The following SPAG16 variants were observed in gnomAD, a reference collection of about 807,000 sequenced individuals.
The protein encoded by SPAG16 is sperm associated antigen 16, also known as sperm-associated antigen 16 protein.
SPAG16 carries 86 observed loss-of-function variants against 80.4 expected under a neutral mutation model. That is an observed-to-expected ratio of 1.07 (90% CI 0.90 to 1.28). The LOEUF (loss-of-function observed/expected upper bound fraction) is 1.28, where lower values mean the gene tolerates loss of function less well. SPAG16 is among the 50% of genes most tolerant of loss of function. The pLI, the probability that SPAG16 is intolerant of heterozygous loss-of-function variation, is 0.00. For synonymous variants in SPAG16, 294 were observed against 265.9 expected, an observed-to-expected ratio of 1.11 and a Z score of -1.03; for missense variants, 870 against 765.3, an observed-to-expected ratio of 1.14 and a Z score of -1.61.
intron 15 of SPAG16, among the ~76,000 whole-genome samples, chr2:214,318,352 A>G (rs1475559397): frequency 2.0e-5 from 3 of 150,636 alleles, no homozygotes; most frequent in African/African-American, 7.3e-5. Flanking sequence ...ATGTACTTGA[A>G]TAAAAGAGTG....
Position 213,364,105 on chromosome 2 carries a change from A to G in SPAG16, c.792A>G (p.Lys264=), listed in dbSNP as rs2066145271. The change falls in exon 8 of 16, where the codon AAA becomes AAG. Residue 264 remains lysine, a synonymous_variant. Transcript: ENST00000331683. ...CTGGACTTCAAGAAACATTGAAGAA[A>G]CTGCAAAGAGGACATAGTTACCATG... is the stretch of plus-strand genomic sequence containing the variant. ...QISGLQETLK[K]LQRGHSYHGP... The G allele has an allele frequency of 2.6e-6, 4 of 1,526,490 alleles. No homozygotes were observed. Among genetic ancestry groups the G allele is most frequent in the Non-Finnish European group, 3.5e-6 (4 of 1,140,566 alleles). The allele number at this position is 1,526,490 out of a possible 1,614,324, so 94.6% of individuals were successfully genotyped here.
chr2:213,447,117 A>G (rs2071365736), intron 9 of SPAG16, among the ~76,000 whole-genome samples: 1 of 152,198 alleles, frequency 6.6e-6, no homozygotes, highest in African/African-American at 2.4e-5. Context: ...CATATGGTTT[A>G]GTAATAGACT....
intron 9 of SPAG16, among the ~76,000 whole-genome samples, chr2:213,378,352 C>T (rs1258489819): frequency 6.6e-6 from 1 of 152,176 alleles, no homozygotes; most frequent in African/African-American, 2.4e-5. Context: ...GCCTTGTCAA[C>T]TTGAACCCAT....
intron 9 of SPAG16, among the ~76,000 whole-genome samples, chr2:213,397,077 T>C (rs181004429): frequency 7.4e-4 from 113 of 152,350 alleles, no homozygotes; most frequent in Admixed American, 2.0e-3. Flanking sequence ...CCTGCATCCA[T>C]TGAGGTTCTG....
intron 10 of SPAG16, among the ~76,000 whole-genome samples, chr2:213,726,274 A>T (rs113856209): frequency 0.026 from 4,002 of 152,272 alleles, 170 homozygotes; most frequent in African/African-American, 0.09. Context: ...TCTCTCAGGG[A>T]TGTGTCCTGC....
Position 213,526,272 on chromosome 2 carries a change from T to G in SPAG16, c.1070+36182T>G, listed in dbSNP as rs531757316. 7.2e-4 allele frequency among the ~76,000 whole-genome samples: 110 copies of G among 152,324 alleles called. 1 individual carries two copies. The highest frequency in any genetic ancestry group is 2.6e-3 in the African/African-American group (106 of 41,564). ...TCATATAATACTCAATATTTAGTAT[T>G]TACACAATATGACTATGGAAGTACT... On this transcript the variant is annotated intron_variant, in intron 10 of 15. Transcript: ENST00000331683.
At chr2:214,165,578 C>A (rs1311186268) in intron 15 of SPAG16, among the ~76,000 whole-genome samples, 1 of 135,716 alleles carries the variant, frequency 7.4e-6, no homozygotes, top group Non-Finnish European at 1.5e-5. Context: ...TACCTCCATT[C>A]TTCCTCTGCC....
At chr2:213,338,735 C>G in intron 5 of SPAG16, among the ~76,000 whole-genome samples, 1 of 152,106 alleles carries the variant, frequency 6.6e-6, no homozygotes, top group African/African-American at 2.4e-5. Flanking sequence ...AGTTGGAAGC[C>G]ATTATCCTCA....
rs965365705 is a variant in SPAG16, at chr2:214,159,039, C to T, written c.1720+9773C>T. Among the ~76,000 whole-genome samples, 11 of 151,924 alleles carry T rather than the reference C, an allele frequency of 7.2e-5. No individual in the cohort carries two copies. In the South Asian group the frequency reaches 1.2e-3, roughly 17 times the overall value. On this transcript the variant is annotated intron_variant, in intron 15 of 15. Transcript: ENST00000331683. ...TGTGGCAAGTATGAGAAATTAGTTGCGTAACTATACACATCTTAGTATCAT... is the reference window on the plus strand; with the variant it reads ...TGTGGCAAGTATGAGAAATTAGTTGTGTAACTATACACATCTTAGTATCAT...
At chr2:213,841,333 T>C (rs2125755511) in intron 10 of SPAG16, among the ~76,000 whole-genome samples, 1 of 152,334 alleles carries the variant, frequency 6.6e-6, no homozygotes, top group South Asian at 2.1e-4. Context: ...AGTTTGTACA[T>C]GGTAGTGCCA....
At chr2:214,039,648 T>C (rs954381387) in intron 13 of SPAG16, among the ~76,000 whole-genome samples, 1 of 152,216 alleles carries the variant, frequency 6.6e-6, no homozygotes, top group Admixed American at 6.5e-5. Flanking sequence ...AAAACTGTTT[T>C]TCCATAGCAT....
intron 14 of SPAG16, among the ~76,000 whole-genome samples, chr2:214,147,589 A>G (rs2055722618): frequency 6.6e-6 from 1 of 152,198 alleles, no homozygotes; most frequent in African/African-American, 2.4e-5. Context: ...AATTTCTAAC[A>G]TTAATATTCC....
chr2:213,344,245 G>A (rs190672763), intron 6 of SPAG16, among the ~76,000 whole-genome samples: 17 of 152,214 alleles, frequency 1.1e-4, no homozygotes, highest in Admixed American at 1.1e-3. Flanking sequence ...GTATATAATT[G>A]CTATGGTGTT....
At chr2:213,354,334 C>A (rs1488832131) in intron 7 of SPAG16, among the ~76,000 whole-genome samples, 1 of 152,110 alleles carries the variant, frequency 6.6e-6, no homozygotes, top group Non-Finnish European at 1.5e-5. Context: ...GTGAACGGTG[C>A]CGCAATAAAC....
chr2:213,305,178 C>G (rs1402774439), intron 3 of SPAG16, among the ~76,000 whole-genome samples: 1 of 152,158 alleles, frequency 6.6e-6, no homozygotes, highest in African/African-American at 2.4e-5. Flanking sequence ...AGATTGTTAA[C>G]TGTCAGCATA....
chr2:213,698,546 G>C (rs994135757), intron 10 of SPAG16, among the ~76,000 whole-genome samples: 4 of 152,310 alleles, frequency 2.6e-5, no homozygotes, highest in African/African-American at 9.6e-5. Flanking sequence ...ATAGGCGTGA[G>C]CCATTGTGCC....
At chr2:214,310,672 A>T (rs570813274) in intron 15 of SPAG16, among the ~76,000 whole-genome samples, 10 of 152,254 alleles carry the variant, frequency 6.6e-5, no homozygotes, top group African/African-American at 2.4e-4. Flanking sequence ...CCATCCTGGG[A>T]AGTCAGGAAT....
chr2:213,719,639 A>G (rs537186268), intron 10 of SPAG16, among the ~76,000 whole-genome samples: 34 of 152,290 alleles, frequency 2.2e-4, no homozygotes, highest in Non-Finnish European at 3.7e-4. Flanking sequence ...TGGACACAAT[A>G]CCATCTCATG....
chr2:214,329,181 C>T (rs1381481730), intron 15 of SPAG16, among the ~76,000 whole-genome samples: 1 of 152,192 alleles, frequency 6.6e-6, no homozygotes, highest in African/African-American at 2.4e-5. Flanking sequence ...GGGGATGGCT[C>T]CATCTCAAAT....
Sources: gnomAD v4.1 joint callset for allele counts (sites outside exome capture counted in the v4.1 genomes callset) on GRCh38, gnomAD v4.1.1 for gene constraint, MANE v1.5 for transcripts, NCBI Gene and HGNC (gene_info 2026-07-23, HGNC 2026-07-21) for gene names.